The following C18orf54 variants were observed in gnomAD, a reference collection of about 807,000 sequenced individuals.
C18orf54 encodes chromosome 18 open reading frame 54, also known as lung adenoma susceptibility protein 2.
Under a neutral mutation model 49.3 loss-of-function variants are expected in C18orf54, and 49 were observed. The observed-to-expected ratio is 0.99, with a 90% CI of 0.79 to 1.26. C18orf54 has a LOEUF of 1.26. Ranked by LOEUF, C18orf54 falls within the 50% of genes most tolerant of loss-of-function variation. The pLI is 0.00. For missense variants in C18orf54, 687 were observed against 620.6 expected (o/e 1.11, Z -1.14); for synonymous variants, 211 against 216.6 (o/e 0.97, Z 0.23).
Position 54,378,212 on chromosome 18 carries a change from A to G in C18orf54, c.1568A>G (p.Asp523Gly), listed in dbSNP as rs1234624781. 12 of 1,613,694 alleles carry G rather than the reference A, an allele frequency of 7.4e-6. No homozygotes were observed. The highest frequency in any genetic ancestry group is 3.3e-5 in the South Asian group (3 of 91,030). Residue 523 changes from aspartate (D) to glycine (G), a missense_variant, in exon 9 of 9, where the codon GAT (aspartate) becomes GGT (glycine). Coordinates refer to ENST00000620105, the MANE Select transcript of C18orf54 (RefSeq NM_001288980.2). ...TTATCTCGCCTGAGAGACCTGGTTGATGATACGAATGGAGAACGGTCACCG... is the reference window on the plus strand; with the variant it reads ...TTATCTCGCCTGAGAGACCTGGTTGGTGATACGAATGGAGAACGGTCACCG... ...HHLSRLRDLV[D>G]DTNGERSPKM
Position 54,379,517 on chromosome 18 carries a change from T to A in C18orf54, c.*1271T>A, listed in dbSNP as rs1004671873. 5 of 150,720 alleles carry A rather than the reference T, an allele frequency of 3.3e-5. No individual in the cohort carries two copies. Among genetic ancestry groups the A allele is most frequent in the African/African-American group, 1.2e-4 (5 of 41,086 alleles). The allele number at this position is 150,720 out of a possible 1,614,324, so 9.3% of individuals were successfully genotyped here. On this transcript the variant is annotated 3_prime_UTR_variant, in exon 9 of 9. Transcript: ENST00000620105. ...CTGTGGGGTTTTTTTTTTTTTTTTT[T>A]GCCCGTGAGTTTTTTACCATGCTGC...
rs2089617896 is a variant in C18orf54 at position 54,378,768 on chromosome 18, A to G, written c.*522A>G. ...TTACTTTGAAATTTTCATAAATTTA[A>G]TATTTAAGATACATTGTATTTGAAA... is the stretch of plus-strand genomic sequence containing the variant. On this transcript the variant is annotated 3_prime_UTR_variant, in exon 9 of 9. Coordinates refer to ENST00000620105, the MANE Select transcript of C18orf54 (RefSeq NM_001288980.2). 1 of 152,254 alleles carries G rather than the reference A, an allele frequency of 6.6e-6. No homozygotes were observed. Among genetic ancestry groups the G allele is most frequent in the South Asian group, 2.1e-4 (1 of 4,830 alleles). The allele number at this position is 152,254 out of a possible 1,614,324, so 9.4% of individuals were successfully genotyped here. A position where few individuals can be genotyped will look rare whatever the true frequency, so the allele number is the denominator to read the frequency against.
intron 6 of C18orf54, among the ~76,000 whole-genome samples, chr18:54,369,279 C>T (rs576069662): frequency 2.5e-4 from 38 of 152,086 alleles, no homozygotes; most frequent in African/African-American, 8.9e-4. Context: ...CAGTCTAATA[C>T]TGCAGTTTGT....
At chr18:54,362,528 T>A (rs2089293648) in intron 4 of C18orf54, 97 bp downstream of exon 4, 9 of 1,128,480 alleles carry the variant, frequency 8.0e-6, no homozygotes, top group Admixed American at 3.3e-5. Context: ...AGCTTTTATG[T>A]TTTGTTTTCA....
chr18:54,368,413 G>A (rs1475653052), intron 6 of C18orf54, among the ~76,000 whole-genome samples: 7 of 151,884 alleles, frequency 4.6e-5, no homozygotes, highest in Non-Finnish European at 1.5e-5. Context: ...TTTTGTAGAG[G>A]TTTTCTGTTT....
Position 54,361,981 on chromosome 18 carries a change from A to G in C18orf54, c.622A>G (p.Thr208Ala). The change falls in exon 4 of 9, where the codon ACT becomes GCT. Residue 208 changes from threonine to alanine, a missense_variant. Physicochemically the swap from Thr to Ala is moderately conservative, Grantham distance 58. Coordinates refer to ENST00000620105, the MANE Select transcript of C18orf54 (RefSeq NM_001288980.2). ...RLKNPKLMNR[T>A]NNCISESSLS... ...GAAAAACCCAAAACTTATGAATAGG[A>G]CTAATAATTGCATTTCTGAATCATC... 6.2e-7 allele frequency: 1 copy of G among 1,613,642 alleles called. No homozygotes were observed. Among genetic ancestry groups the G allele is most frequent in the African/African-American group, 1.3e-5 (1 of 75,022 alleles).
At chr18:54,365,372 C>T (rs2089361088) in intron 5 of C18orf54, among the ~76,000 whole-genome samples, 1 of 151,924 alleles carries the variant, frequency 6.6e-6, no homozygotes. Context: ...TAGATGGTAA[C>T]AATGTTTAAT....
rs1486531347 is a variant in C18orf54 at position 54,362,916 on chromosome 18, T to TA, written c.1219dup (p.Thr407AsnfsTer9). ...ACAGATCATGGGAAAATATTCCTGT[T>TA]ACTTTGTAAGTAAGTGGCAATGGAA... On this transcript the variant is annotated frameshift_variant, in exon 5 of 9. Transcript: ENST00000620105. LOFTEE classifies it high-confidence loss of function. 1 of 1,591,206 alleles carries TA rather than the reference T, an allele frequency of 6.3e-7. No individual in the cohort carries two copies. The highest frequency in any genetic ancestry group is 1.9e-5 in the Admixed American group (1 of 51,904).
At chr18:54,376,614 T>A (rs1049090569) in intron 8 of C18orf54, among the ~76,000 whole-genome samples, 2 of 152,232 alleles carry the variant, frequency 1.3e-5, no homozygotes, top group African/African-American at 4.8e-5. Flanking sequence ...ATTACAGTAC[T>A]GGCCACCACG....
intron 6 of C18orf54, among the ~76,000 whole-genome samples, chr18:54,367,022 A>G (rs2089399994): frequency 6.6e-6 from 1 of 152,038 alleles, no homozygotes; most frequent in African/African-American, 2.4e-5. Context: ...ATCTTTCTCC[A>G]TTCATTCACT....
At chr18:54,362,647 T>C in intron 4 of C18orf54, 124 bp from the exon 5 acceptor site, 1 of 950,630 alleles carries the variant, frequency 1.1e-6, no homozygotes. Flanking sequence ...CATTTTAACA[T>C]AATTTGCTGT....
Position 54,378,340 on chromosome 18 carries a change from A to G in C18orf54, c.*94A>G, listed in dbSNP as rs1247063660. The G allele has an allele frequency of 1.8e-6, 2 of 1,110,224 alleles. No individual in the cohort carries two copies. Among genetic ancestry groups the G allele is most frequent in the Non-Finnish European group, 2.6e-6 (2 of 759,508 alleles). 68.8% of individuals were successfully genotyped at this position (1,110,224 alleles called of 1,614,324 possible). On this transcript the variant is annotated 3_prime_UTR_variant, in exon 9 of 9. Transcript: ENST00000620105. ...TAAACTGACAAAGTAAATATAAGCC[A>G]TACATTATTTTGTGGTTGGTTCAAG...
intron 3 of C18orf54, among the ~76,000 whole-genome samples, chr18:54,361,359 A>G (rs987451106): frequency 2.0e-5 from 3 of 152,298 alleles, no homozygotes; most frequent in South Asian, 2.1e-4. Context: ...GTATTAGTGT[A>G]TCAGATATGT....
chr18:54,370,279 A>G (rs1481854166), intron 6 of C18orf54, among the ~76,000 whole-genome samples: 1 of 151,186 alleles, frequency 6.6e-6, no homozygotes, highest in African/African-American at 2.4e-5. Context: ...TCTGTCTCAA[A>G]AAAAAAAAAA....
intron 6 of C18orf54, among the ~76,000 whole-genome samples, chr18:54,369,684 G>T (rs966271683): frequency 1.3e-5 from 2 of 151,822 alleles, no homozygotes; most frequent in East Asian, 1.9e-4. Context: ...GGCCAGGCTG[G>T]TCTTGAACTC....
chr18:54,360,341 A>G (rs946770742), intron 2 of C18orf54, among the ~76,000 whole-genome samples, 186 bp from the exon 3 acceptor site: 3 of 152,218 alleles, frequency 2.0e-5, no homozygotes, highest in African/African-American at 7.2e-5. Flanking sequence ...TGTTTTCTAA[A>G]TCATTGATGA....
intron 5 of C18orf54, chr18:54,363,990 T>A (rs2089326683): frequency 6.6e-6 from 1 of 152,162 alleles, no homozygotes; most frequent in Admixed American, 6.5e-5. Context: ...TTGTGAGGAT[T>A]AATTTGACTA....
Position 54,360,643 on chromosome 18 carries a change from G to A in C18orf54, c.71G>A (p.Cys24Tyr). 6.2e-7 allele frequency: 1 copy of A among 1,614,036 alleles called. No individual in the cohort carries two copies. Among genetic ancestry groups the A allele is most frequent in the Non-Finnish European group, 8.5e-7 (1 of 1,179,910 alleles). Reference protein sequence around the residue: ...ESSVSALLASCTLSGSNSSNS... With the variant: ...ESSVSALLASYTLSGSNSSNS... ...TCAGTATCTGCCCTGCTGGCAAGCT[G>A]CACCCTGAGTGGTAGTAATTCCTCT... The change falls in exon 3 of 9, where the codon TGC becomes TAC. Residue 24 changes from cysteine to tyrosine, a missense_variant. Physicochemically the swap from Cys to Tyr is radical, Grantham distance 194. Transcript: ENST00000620105.
At position 54,372,610 on chromosome 18, in the gene C18orf54, A is replaced by G. The variant is rs1222847697; in HGVS notation, c.1458+13A>G. Reference sequence around the variant, plus strand: ...AGAGATTAAACAAGTAAGCACAAACATGATTTATGAATTGAGATTTGTGAA... The same window carrying G: ...AGAGATTAAACAAGTAAGCACAAACGTGATTTATGAATTGAGATTTGTGAA... On this transcript the variant is annotated intron_variant, in intron 7 of 8. Transcript: ENST00000620105. 2 of 1,558,560 alleles carry G rather than the reference A, an allele frequency of 1.3e-6. No individual in the cohort carries two copies. The highest frequency in any genetic ancestry group is 2.7e-5 in the African/African-American group (2 of 72,754).
Sources: allele counts gnomAD v4.1 joint callset (sites outside exome capture counted in the v4.1 genomes callset), GRCh38; gene constraint gnomAD v4.1.1; transcripts MANE v1.5; gene names NCBI Gene and HGNC (gene_info 2026-07-23, HGNC 2026-07-21).